Variants in FOXN3 observed in about 807,000 individuals in gnomAD.
The protein encoded by FOXN3 is forkhead box protein N3.
FOXN3 carries 7 observed loss-of-function variants against 38.4 expected under a neutral mutation model. That is an observed-to-expected ratio of 0.18 (90% CI 0.10 to 0.34). The LOEUF (loss-of-function observed/expected upper bound fraction) is 0.34, where lower values mean the gene tolerates loss of function less well. FOXN3 is among the 10% of genes least tolerant of loss of function. The probability of loss-of-function intolerance (pLI) is 1.00; values close to 1 mark genes in which losing one functional copy is unlikely to be tolerated. For missense variants in FOXN3, 456 were observed against 613.4 expected (o/e 0.74, Z 2.71); for synonymous variants, 230 against 242.2 (o/e 0.95, Z 0.47).
chr14:89,219,784 T>C (rs967421614), intron 4 of FOXN3, among the ~76,000 whole-genome samples: 3 of 152,248 alleles, frequency 2.0e-5, no homozygotes, highest in Non-Finnish European at 2.9e-5. Flanking sequence ...TGTTAGCTAC[T>C]ATTACAGTTG....
intron 5 of FOXN3, among the ~76,000 whole-genome samples, chr14:89,173,948 G>A (rs1887455297): frequency 6.6e-6 from 1 of 152,156 alleles, no homozygotes; most frequent in African/African-American, 2.4e-5. Flanking sequence ...AGCCGTGATT[G>A]TGCCACTGCA....
intron 2 of FOXN3, among the ~76,000 whole-genome samples, chr14:89,352,416 AAGCTAAGG>A (rs904233214): frequency 6.6e-6 from 1 of 152,240 alleles, no homozygotes; most frequent in Admixed American, 6.5e-5. Context: ...AGAAAGCCAA[AAGCTAAGG>A]AGTGGAGAGG....
At chr14:89,258,458 C>T (rs1885694072) in intron 4 of FOXN3, among the ~76,000 whole-genome samples, 1 of 152,196 alleles carries the variant, frequency 6.6e-6, no homozygotes, top group Non-Finnish European at 1.5e-5. Context: ...CCACAGATCT[C>T]TGGTGAGGCT....
chr14:89,482,678 G>A lies in FOXN3; in HGVS notation c.-14-70188C>T, dbSNP rs145050367. On this transcript the variant is annotated intron_variant, in intron 1 of 6. Coordinates refer to the FOXN3 transcript ENST00000345097. ...AATCCCAGCACTTTGGGAGGCTGAG[G>A]CGGGTGGATCACTTGAGGCCAGGAG... Among the ~76,000 whole-genome samples the A allele has an allele frequency of 1.6e-3, 237 of 152,174 alleles. 1 individual carries two copies. The highest frequency in any genetic ancestry group is 3.4e-3 in the Middle Eastern group (1 of 294).
At chr14:89,549,373 G>A (rs944296423) in intron 1 of FOXN3, among the ~76,000 whole-genome samples, 2 of 151,630 alleles carry the variant, frequency 1.3e-5, no homozygotes, top group African/African-American at 2.4e-5. Context: ...AAACACCAAC[G>A]CCTGTCCATG....
intron 4 of FOXN3, among the ~76,000 whole-genome samples, chr14:89,278,732 C>T (rs563995035): frequency 1.8e-4 from 27 of 152,262 alleles, no homozygotes; most frequent in Non-Finnish European, 2.9e-4. Context: ...GTTCCCTACT[C>T]GTCTGATTAT....
intron 4 of FOXN3, among the ~76,000 whole-genome samples, chr14:89,275,051 T>C (rs1886260599): frequency 6.6e-6 from 1 of 152,218 alleles, no homozygotes; most frequent in Non-Finnish European, 1.5e-5. Context: ...TTGACTAATG[T>C]GAATCCACCA....
chr14:89,417,502 C>T, upstream of FOXN3: 1 of 157,122 alleles, frequency 6.4e-6, no homozygotes, highest in Non-Finnish European at 1.4e-5. Context: ...CGACCCAGGG[C>T]GGCCGCGACC....
At chr14:89,514,455 G>A (rs745679909) in intron 1 of FOXN3, among the ~76,000 whole-genome samples, 5 of 152,146 alleles carry the variant, frequency 3.3e-5, no homozygotes, top group South Asian at 2.1e-4. Flanking sequence ...ACGTTACCTC[G>A]ATTAAGTGCA....
intron 1 of FOXN3, chr14:89,576,097 C>T (rs370488573): frequency 1.2e-4 from 18 of 152,298 alleles, no homozygotes; most frequent in African/African-American, 4.3e-4. Context: ...CCAGAGACAC[C>T]CATCTTAGGC....
chr14:89,577,886 A>G (rs1419876951), intron 1 of FOXN3, among the ~76,000 whole-genome samples: 1 of 152,248 alleles, frequency 6.6e-6, no homozygotes, highest in Non-Finnish European at 1.5e-5. Context: ...AGCCTAAAGC[A>G]TTAATTACTC....
In FOXN3 at chr14:89,160,230, G is replaced by A. The variant is rs1223591111; in HGVS notation, c.*2184C>T. 1 of 110,884 alleles carries A rather than the reference G, an allele frequency of 9.0e-6. No individual in the cohort carries two copies. The highest frequency in any genetic ancestry group is 1.7e-5 in the Non-Finnish European group (1 of 58,282). The allele number at this position is 110,884 out of a possible 1,614,324, so 6.9% of individuals were successfully genotyped here. The stretch of plus-strand genomic sequence containing the variant: ...CTTTGTACCCCCGCCCCCCGCCCCC[G>A]CCATTAAAGAAAATTTCTTAGGCAA... On this transcript the variant is annotated 3_prime_UTR_variant, in exon 6 of 6. Coordinates refer to ENST00000557258, the MANE Select transcript of FOXN3 (RefSeq NM_005197.4).
chr14:89,524,399 A>G (rs1894390327), intron 1 of FOXN3, among the ~76,000 whole-genome samples: 2 of 93,798 alleles, frequency 2.1e-5, no homozygotes, highest in South Asian at 8.2e-4. Flanking sequence ...AAAAAAAAAA[A>G]AAAAGAAAGA....
intron 4 of FOXN3, among the ~76,000 whole-genome samples, chr14:89,240,104 T>C (rs1185478592): frequency 6.6e-6 from 1 of 152,186 alleles, no homozygotes; most frequent in Non-Finnish European, 1.5e-5. Flanking sequence ...AAACTTGCCA[T>C]GGCCACACCT....
chr14:89,339,977 T>C (rs1888569328), intron 3 of FOXN3, among the ~76,000 whole-genome samples: 1 of 152,096 alleles, frequency 6.6e-6, no homozygotes, highest in African/African-American at 2.4e-5. Flanking sequence ...GGGGGCAATT[T>C]CCAGTTCAGA....
rs115994091 is a variant in FOXN3 at position 89,205,584 on chromosome 14, C to A, written c.746-24778G>T. Among the ~76,000 whole-genome samples the A allele has an allele frequency of 7.1e-3, 1,086 of 152,320 alleles. 15 individuals are homozygous for A. Among genetic ancestry groups the A allele is most frequent in the African/African-American group, 0.025 (1,032 of 41,572 alleles). On this transcript the variant is annotated intron_variant, in intron 4 of 5. Transcript: ENST00000557258. ...ACAGACACCAGCAGGCCATCGACGG[C>A]GGGACGACGCGGAATTTGGCTGGAG... is the stretch of plus-strand genomic sequence containing the variant.
chr14:89,228,773 A>G (rs1015765894), intron 4 of FOXN3, among the ~76,000 whole-genome samples: 12 of 152,232 alleles, frequency 7.9e-5, no homozygotes, highest in African/African-American at 2.9e-4. Context: ...CACCTGGAAT[A>G]AACTGATTTC....
At chr14:89,612,692 G>T (rs1896417199) in intron 1 of FOXN3, among the ~76,000 whole-genome samples, 1 of 152,040 alleles carries the variant, frequency 6.6e-6, no homozygotes, top group South Asian at 2.1e-4. Flanking sequence ...CACTCGGGAG[G>T]TTGAGGTGGA....
intron 1 of FOXN3, among the ~76,000 whole-genome samples, chr14:89,472,091 ACTAAAAAT>A (rs1459951785): frequency 6.6e-6 from 1 of 152,044 alleles, no homozygotes; most frequent in Non-Finnish European, 1.5e-5. Context: ...CCCTGTCTCT[ACTAAAAAT>A]ACAAAAATTA....
Sources: allele counts gnomAD v4.1 joint callset (sites outside exome capture counted in the v4.1 genomes callset), GRCh38; gene constraint gnomAD v4.1.1; transcripts MANE v1.5; gene names NCBI Gene and HGNC (gene_info 2026-07-23, HGNC 2026-07-21).